STX8: variants seen among roughly 807,000 people sequenced by gnomAD.
STX8 encodes syntaxin-8.
Under a neutral mutation model 37.5 loss-of-function variants are expected in STX8, and 23 were observed. That is an observed-to-expected ratio of 0.61 (90% confidence interval 0.44 to 0.87). STX8 has a LOEUF of 0.87. Among genes scored for constraint, STX8 ranks in the 40% least tolerant of loss-of-function variants. STX8 has a pLI of 0.00. For missense variants in STX8, 313 were observed against 284.7 expected, an observed-to-expected ratio of 1.10 and a Z score of -0.71; for synonymous variants, 115 against 99.1, an observed-to-expected ratio of 1.16 and a Z score of -0.95.
At chr17:9,558,726 G>T (rs978053894) in intron 2 of STX8, among the ~76,000 whole-genome samples, 1 of 152,172 alleles carries the variant, frequency 6.6e-6, no homozygotes, top group Non-Finnish European at 1.5e-5. Flanking sequence ...GGGAGGCTGA[G>T]GCAGGAGAAC....
Position 9,491,856 on chromosome 17 carries a change from T to A in STX8, c.514A>T (p.Ile172Phe), listed in dbSNP as rs1161913420. ...ISRQKQMGQEIGNELDEQNEI... is the reference protein window; with the variant it reads ...ISRQKQMGQEFGNELDEQNEI... ...TTTTGTTCATCCAATTCATTCCCAA[T>A]TTCCTGCCCCATTTGTTTTTGGCGA... is the stretch of plus-strand genomic sequence containing the variant. The change falls in exon 6 of 8, where the codon ATT becomes TTT. Residue 172 changes from isoleucine to phenylalanine, a missense_variant. Ile to Phe is a conservative substitution (Grantham distance 21, BLOSUM62 0). Transcript: ENST00000306357. The A allele has an allele frequency of 3.1e-6, 5 of 1,614,034 alleles. No individual in the cohort carries two copies. The African/African-American group carries it at 5.3e-5, about 17-fold the overall frequency.
chr17:9,391,562 C>T (rs73257841), intron 6 of STX8, among the ~76,000 whole-genome samples: 1,605 of 151,130 alleles, frequency 0.011, 30 homozygotes, highest in African/African-American at 0.036. Context: ...TGTGGCTAAA[C>T]GTTAACAACT....
intron 6 of STX8, among the ~76,000 whole-genome samples, chr17:9,431,226 GTTTTA>G (rs1322893185): frequency 1.6e-4 from 21 of 135,360 alleles, no homozygotes; most frequent in African/African-American, 5.5e-4. Flanking sequence ...TGTTGTTGTT[GTTTTA>G]TTTTTCTGTT....
At chr17:9,348,370 A>G (rs909926005) in intron 7 of STX8, among the ~76,000 whole-genome samples, 1 of 146,640 alleles carries the variant, frequency 6.8e-6, no homozygotes, top group African/African-American at 2.5e-5. Flanking sequence ...ATGAGCCGAG[A>G]TTGCGCCACT....
At chr17:9,374,695 TA>T (rs1230622546) in intron 7 of STX8, among the ~76,000 whole-genome samples, 1 of 152,152 alleles carries the variant, frequency 6.6e-6, no homozygotes, top group East Asian at 1.9e-4. Flanking sequence ...ATAATACTGA[TA>T]AAATTATTAA....
At chr17:9,523,461 T>C (rs1343559667) in intron 4 of STX8, among the ~76,000 whole-genome samples, 1 of 152,028 alleles carries the variant, frequency 6.6e-6, no homozygotes, top group African/African-American at 2.4e-5. Context: ...TTATATAATA[T>C]GAGGGAGTTG....
rs4063411 is a variant in STX8 at position 9,489,691 on chromosome 17, C to CTTTT, written c.541+2134_541+2137dup. Among the ~76,000 whole-genome samples the CTTTT allele has an allele frequency of 1.5e-4, 19 of 127,396 alleles. 5 individuals are homozygous for CTTTT. Among genetic ancestry groups the CTTTT allele is most frequent in the Non-Finnish European group, 2.1e-4 (13 of 62,060 alleles). The allele number at this position is 127,396 out of a possible 152,430, so 83.6% of individuals were successfully genotyped here. A position where few individuals can be genotyped will look rare whatever the true frequency, so the allele number is the denominator to read the frequency against. On this transcript the variant is annotated intron_variant, in intron 6 of 7. Transcript: ENST00000306357. ...CAGATTTTCTATAAAGCTTACTTTC[C>CTTTT]TTTTTTTTTTTTTTTGAGATGGATT...
At chr17:9,295,625 T>G (rs1302551237) in intron 7 of STX8, among the ~76,000 whole-genome samples, 2 of 150,742 alleles carry the variant, frequency 1.3e-5, no homozygotes, top group Non-Finnish European at 3.0e-5. Flanking sequence ...TGCCTGTAAT[T>G]CCAGTTACTC....
intron 6 of STX8, among the ~76,000 whole-genome samples, chr17:9,427,202 C>A (rs983093349): frequency 6.6e-6 from 1 of 152,106 alleles, no homozygotes; most frequent in Non-Finnish European, 1.5e-5. Flanking sequence ...ATAGAAATAA[C>A]GTTGTATATG....
chr17:9,300,830 C>CTTTTTTTTTTTTTTTTTTTTT (rs1164799565), intron 7 of STX8, among the ~76,000 whole-genome samples: 1 of 90,908 alleles, frequency 1.1e-5, no homozygotes, highest in Non-Finnish European at 2.1e-5. Context: ...TTATTTTGTT[C>CTTTTTTTTTTTTTTTTTTTTT]TTTTTTTTTT....
At chr17:9,411,473 C>T (rs1912976428) in intron 6 of STX8, among the ~76,000 whole-genome samples, 1 of 152,248 alleles carries the variant, frequency 6.6e-6, no homozygotes, top group Non-Finnish European at 1.5e-5. Flanking sequence ...AGGAAAAACA[C>T]AGTCCATAGC....
intron 4 of STX8, among the ~76,000 whole-genome samples, chr17:9,539,194 C>T (rs1906175723): frequency 6.6e-6 from 1 of 152,092 alleles, no homozygotes; most frequent in Admixed American, 6.5e-5. Context: ...AAAGGAAATG[C>T]TAATCCAAAC....
At chr17:9,382,670 A>G (rs1911863993) in intron 6 of STX8, among the ~76,000 whole-genome samples, 1 of 152,244 alleles carries the variant, frequency 6.6e-6, no homozygotes, top group South Asian at 2.1e-4. Context: ...AAGGTGGCAA[A>G]GCTATATTAA....
intron 6 of STX8, among the ~76,000 whole-genome samples, chr17:9,440,706 G>C (rs1904614985): frequency 6.6e-6 from 1 of 152,054 alleles, no homozygotes; most frequent in Non-Finnish European, 1.5e-5. Context: ...TGTATTTTTA[G>C]TAGAGACAGG....
chr17:9,471,151 CT>C (rs34907512), intron 6 of STX8, among the ~76,000 whole-genome samples: 1,654 of 51,238 alleles, frequency 0.032, 57 homozygotes, highest in African/African-American at 0.11. Context: ...CCGCACCCTG[CT>C]TTTTTTTTTT....
chr17:9,358,575 C>T (rs781489419), intron 7 of STX8, among the ~76,000 whole-genome samples: 8 of 152,142 alleles, frequency 5.3e-5, no homozygotes, highest in East Asian at 1.9e-4. Context: ...TCCTGTGCTC[C>T]GTTATCTTCT....
At position 9,402,094 on chromosome 17, in the gene STX8, TTTTG is replaced by T. The variant is rs996793894; in HGVS notation, c.542-23445_542-23442del. ...ATGTACGTTTTCAATAGCCCTTGTA[TTTTG>T]TTTATTTATTTATTTATTTATTTAT... On this transcript the variant is annotated intron_variant, in intron 6 of 7. Transcript: ENST00000306357. Among the ~76,000 whole-genome samples, 4 of 131,426 alleles carry T rather than the reference TTTTG, an allele frequency of 3.0e-5. No individual in the cohort carries two copies. In the South Asian group the frequency reaches 7.2e-4, roughly 24 times the overall value. 86.2% of individuals were successfully genotyped at this position (131,426 alleles called of 152,430 possible). A position where few individuals can be genotyped will look rare whatever the true frequency, so the allele number is the denominator to read the frequency against.
At chr17:9,441,804 T>C (rs1048045596) in intron 6 of STX8, among the ~76,000 whole-genome samples, 8 of 150,876 alleles carry the variant, frequency 5.3e-5, no homozygotes, top group Non-Finnish European at 1.0e-4. Context: ...GCCTCCCAAG[T>C]AGCTGGGACT....
At chr17:9,533,146 A>G (rs1905883989) in intron 4 of STX8, among the ~76,000 whole-genome samples, 1 of 152,376 alleles carries the variant, frequency 6.6e-6, no homozygotes, top group African/African-American at 2.4e-5. Context: ...AACCAGCTCT[A>G]TGAAACTGTA....
Sources: gnomAD v4.1 joint callset for allele counts (sites outside exome capture counted in the v4.1 genomes callset) on GRCh38, gnomAD v4.1.1 for gene constraint, MANE v1.5 for transcripts, NCBI Gene and HGNC (gene_info 2026-07-23, HGNC 2026-07-21) for gene names.